Variants in NEO1 observed in about 807,000 individuals in gnomAD.
NEO1 encodes neogenin 1, also known as neogenin.
A neutral mutation model predicts 159.7 loss-of-function variants in NEO1; 63 were observed. The ratio of observed to expected loss-of-function variants is 0.39; its 90% CI spans 0.32 to 0.49. NEO1 has a LOEUF of 0.49. Ranked by LOEUF, NEO1 falls within the 20% of genes least tolerant of loss-of-function variation. The pLI is 0.85. For missense variants in NEO1, 1,615 were observed against 1,831.0 expected (o/e 0.88, Z 2.15); for synonymous variants, 633 against 662.0 (o/e 0.96, Z 0.67).
chr15:73,215,831 A>G (rs1227095199), intron 7 of NEO1, among the ~76,000 whole-genome samples: 1 of 151,960 alleles, frequency 6.6e-6, no homozygotes, highest in East Asian at 1.9e-4. Flanking sequence ...TTTTCTCAAT[A>G]TTGTGGAATA....
At chr15:73,165,724 C>T (rs9920459) in intron 5 of NEO1, among the ~76,000 whole-genome samples, 14,347 of 152,092 alleles carry the variant, frequency 0.094, 906 homozygotes, top group African/African-American at 0.17. Flanking sequence ...AGACAGCTCT[C>T]CACAGCAGAG....
rs1310945279 is a variant in NEO1 at position 73,116,627 on chromosome 15, A to G, written c.218A>G (p.Asn73Ser). Residue 73 changes from asparagine (N) to serine (S), a missense_variant, in exon 2 of 29, where the codon AAC becomes AGC. Asn to Ser is a conservative substitution (Grantham distance 46, BLOSUM62 1). Around this residue, in one of 3 missense-constraint regions of NEO1, gnomAD observed 1,018 missense variants for 1,115.4 expected, o/e 0.91. Transcript: ENST00000261908. The stretch of plus-strand genomic sequence containing the variant: ...GTTAGAGGCTCTTCTGTTATATTAA[A>G]CTGTTCAGCATATTCTGAGCCTTCT... Reference protein sequence around the residue: ...LSVRGSSVILNCSAYSEPSPK... With the variant: ...LSVRGSSVILSCSAYSEPSPK... 8.1e-6 allele frequency: 13 copies of G among 1,613,290 alleles called. No individual in the cohort carries two copies. Among genetic ancestry groups the G allele is most frequent in the Non-Finnish European group, 1.0e-5 (12 of 1,179,758 alleles).
intron 6 of NEO1, among the ~76,000 whole-genome samples, chr15:73,177,524 A>G (rs1272602325): frequency 6.6e-6 from 1 of 152,196 alleles, no homozygotes; most frequent in Non-Finnish European, 1.5e-5. Context: ...AATCATATTT[A>G]TTATACCAAT....
intron 1 of NEO1, among the ~76,000 whole-genome samples, chr15:73,097,599 G>C (rs1220245043): frequency 6.6e-6 from 1 of 151,954 alleles, no homozygotes; most frequent in East Asian, 1.9e-4. Context: ...GACTTCAGGT[G>C]ATCTGTCCAC....
chr15:73,251,513 CAAAAA>C (rs35979398), intron 11 of NEO1, among the ~76,000 whole-genome samples: 3 of 94,414 alleles, frequency 3.2e-5, no homozygotes, highest in Non-Finnish European at 2.1e-5. Context: ...GAAGCTGTCT[CAAAAA>C]AAAAAAAAAA....
At chr15:73,148,997 G>A (rs2033151091) in intron 5 of NEO1, among the ~76,000 whole-genome samples, 1 of 151,878 alleles carries the variant, frequency 6.6e-6, no homozygotes, top group South Asian at 2.1e-4. Context: ...TCCTTGTTTA[G>A]ATTTTTTTCT....
At chr15:73,291,594 A>G (rs946771315) in intron 25 of NEO1, among the ~76,000 whole-genome samples, 1 of 152,140 alleles carries the variant, frequency 6.6e-6, no homozygotes, top group Non-Finnish European at 1.5e-5. Flanking sequence ...CAGGAGCCAT[A>G]TACCCACTCC....
intron 5 of NEO1, among the ~76,000 whole-genome samples, chr15:73,140,286 T>G (rs1186995425): frequency 6.6e-6 from 1 of 152,172 alleles, no homozygotes. Flanking sequence ...CTAGGCGCAG[T>G]GACTCATGCC....
intron 7 of NEO1, among the ~76,000 whole-genome samples, chr15:73,202,835 C>T (rs1340751883): frequency 6.6e-6 from 1 of 152,244 alleles, no homozygotes; most frequent in South Asian, 2.1e-4. Flanking sequence ...TTTCTATGAT[C>T]AGGACTATTC....
intron 9 of NEO1, among the ~76,000 whole-genome samples, chr15:73,246,995 A>G (rs1413082910): frequency 2.0e-5 from 3 of 152,230 alleles, no homozygotes; most frequent in Non-Finnish European, 2.9e-5. Flanking sequence ...ACGGTCTGGT[A>G]CCATAGACAA....
chr15:73,095,557 A>AC (rs2069971383), intron 1 of NEO1, among the ~76,000 whole-genome samples: 1 of 152,166 alleles, frequency 6.6e-6, no homozygotes. Context: ...TTTTATTGCC[A>AC]CCAGGAACAG....
chr15:73,075,243 TG>T (rs1386578131), intron 1 of NEO1, among the ~76,000 whole-genome samples: 1 of 152,074 alleles, frequency 6.6e-6, no homozygotes, highest in Non-Finnish European at 1.5e-5. Flanking sequence ...GGGATTTTTG[TG>T]GGGGCGGGAA....
intron 5 of NEO1, among the ~76,000 whole-genome samples, chr15:73,148,261 C>T (rs2033091360): frequency 6.6e-6 from 1 of 152,082 alleles, no homozygotes; most frequent in Admixed American, 6.6e-5. Flanking sequence ...TGTCAGTAAG[C>T]TTCTTGTATT....
chr15:73,274,662 T>C, intron 20 of NEO1, 30 bp from the exon 21 acceptor site: 1 of 1,612,686 alleles, frequency 6.2e-7, no homozygotes, highest in Non-Finnish European at 8.5e-7. Context: ...CTTGCTCTTG[T>C]TTTTTCTTCC....
At chr15:73,241,186 T>TA (rs1031185330) in intron 8 of NEO1, among the ~76,000 whole-genome samples, 17 of 152,274 alleles carry the variant, frequency 1.1e-4, no homozygotes, top group South Asian at 4.1e-4. Flanking sequence ...TCATCTTTCT[T>TA]AAAAAAGCAG....
chr15:73,241,189 A>G, intron 8 of NEO1, among the ~76,000 whole-genome samples: 1 of 152,162 alleles, frequency 6.6e-6, no homozygotes, highest in African/African-American at 2.4e-5. Context: ...TCTTTCTTAA[A>G]AAAGCAGTAC....
chr15:73,280,249 G>A (rs575324781), intron 22 of NEO1, among the ~76,000 whole-genome samples: 3 of 151,408 alleles, frequency 2.0e-5, no homozygotes, highest in African/African-American at 7.3e-5. Context: ...TCACACCACT[G>A]CACTCCAGCC....
intron 5 of NEO1, among the ~76,000 whole-genome samples, chr15:73,154,341 G>C (rs1043852896): frequency 6.6e-6 from 1 of 152,068 alleles, no homozygotes; most frequent in African/African-American, 2.4e-5. Context: ...TTTATCCTTT[G>C]TGTTACAAAC....
chr15:73,067,456 T>C (rs891106328), intron 1 of NEO1, among the ~76,000 whole-genome samples: 7 of 150,772 alleles, frequency 4.6e-5, no homozygotes, highest in Non-Finnish European at 7.4e-5. Flanking sequence ...TTCTTTCTTT[T>C]TTTTTTTTTT....
Sources: allele counts gnomAD v4.1 joint callset (sites outside exome capture counted in the v4.1 genomes callset), GRCh38; gene constraint gnomAD v4.1.1; regional missense constraint gnomAD v4.1.1; transcripts MANE v1.5; gene names NCBI Gene and HGNC (gene_info 2026-07-23, HGNC 2026-07-21).